Variants in SOX6 observed in about 807,000 individuals in gnomAD.
SOX6 encodes transcription factor SOX-6.
SOX6 carries 11 observed loss-of-function variants against 97.8 expected under a neutral mutation model. The ratio of observed to expected loss-of-function variants is 0.11; its 90% CI spans 0.07 to 0.19. The LOEUF is 0.19. Ranked by LOEUF, SOX6 falls within the 10% of genes least tolerant of loss-of-function variation. The pLI, the probability that SOX6 is intolerant of heterozygous loss-of-function variation, is 1.00. For synonymous variants in SOX6, 360 were observed against 371.4 expected, an observed-to-expected ratio of 0.97 and a Z score of 0.35; for missense variants, 810 against 1,039.5, an observed-to-expected ratio of 0.78 and a Z score of 3.04.
chr11:16,291,349 T>C (rs1854909552), intron 3 of SOX6, among the ~76,000 whole-genome samples: 1 of 127,812 alleles, frequency 7.8e-6, no homozygotes, highest in African/African-American at 2.8e-5. Flanking sequence ...AATATCCTGC[T>C]CAATATAATG....
rs923727326 is a variant in SOX6, at chr11:16,138,516, T to A, written c.778-26593A>T. On this transcript the variant is annotated intron_variant, in intron 6 of 15. Coordinates refer to ENST00000683767, the MANE Select transcript of SOX6 (RefSeq NM_001367873.1). ...TCCCTGATCTTTATAACCTTAAAAATTTTTTTGTTGTTGTTTTTATTTTTT... is the reference window on the plus strand; with the variant it reads ...TCCCTGATCTTTATAACCTTAAAAAATTTTTTGTTGTTGTTTTTATTTTTT... Among the ~76,000 whole-genome samples, 6 of 152,024 alleles carry A rather than the reference T, an allele frequency of 3.9e-5. 1 individual carries two copies. The highest frequency in any genetic ancestry group is 1.4e-4 in the African/African-American group (6 of 41,430).
chr11:16,661,374 G>A (rs1285804083), intron 3 of SOX6, among the ~76,000 whole-genome samples: 1 of 151,934 alleles, frequency 6.6e-6, no homozygotes, highest in African/African-American at 2.4e-5. Context: ...ATATAATTGG[G>A]TCATTTTTCT....
chr11:16,246,923 T>C (rs1853352545), intron 3 of SOX6, among the ~76,000 whole-genome samples: 4 of 152,086 alleles, frequency 2.6e-5, no homozygotes. Context: ...ACATTCCAGT[T>C]CTATTCTTCT....
chr11:16,187,310 T>A (rs1245725252), intron 4 of SOX6, among the ~76,000 whole-genome samples: 2 of 152,156 alleles, frequency 1.3e-5, no homozygotes, highest in Non-Finnish European at 2.9e-5. Flanking sequence ...AAACTATAGA[T>A]TATATTAATA....
chr11:16,194,258 C>A (rs1851712283), intron 4 of SOX6, among the ~76,000 whole-genome samples: 2 of 152,158 alleles, frequency 1.3e-5, no homozygotes, highest in African/African-American at 4.8e-5. Context: ...AAAACCACCA[C>A]AAAGACCTCT....
intron 3 of SOX6, among the ~76,000 whole-genome samples, chr11:16,656,289 G>A (rs1847716837): frequency 6.6e-6 from 1 of 152,112 alleles, no homozygotes; most frequent in Non-Finnish European, 1.5e-5. Flanking sequence ...TGTTGGCCAG[G>A]ATGGTCTCAA....
chr11:16,293,642 G>C (rs902795251), intron 3 of SOX6, among the ~76,000 whole-genome samples: 3 of 151,986 alleles, frequency 2.0e-5, no homozygotes, highest in African/African-American at 7.3e-5. Flanking sequence ...GTGGGAGTGG[G>C]GAGAGGGAGT....
chr11:16,686,413 T>G (rs937022559), intron 3 of SOX6, among the ~76,000 whole-genome samples: 1 of 152,206 alleles, frequency 6.6e-6, no homozygotes, highest in Non-Finnish European at 1.5e-5. Context: ...AGAAATTTCT[T>G]CTGCCAGATA....
chr11:16,174,002 C>G (rs1178628917), intron 6 of SOX6, among the ~76,000 whole-genome samples: 1 of 150,658 alleles, frequency 6.6e-6, no homozygotes, highest in Non-Finnish European at 1.5e-5. Context: ...CATGCCATCA[C>G]ACCCAGTTAA....
rs146866995 is a variant in SOX6 at position 16,063,574 on chromosome 11, T to G, written c.1102-7673A>C. ...TATATACCTGCTTTCTATGATACAA[T>G]CATTTAGGATCTCTAATGGAGTGTG... On this transcript the variant is annotated intron_variant, in intron 9 of 15. Transcript: ENST00000683767. Among the ~76,000 whole-genome samples the G allele has an allele frequency of 9.7e-4, 112 of 115,248 alleles. 1 individual carries two copies. The highest frequency in any genetic ancestry group is 3.4e-3 in the African/African-American group (105 of 30,966). The allele number at this position is 115,248 out of a possible 152,430, so 75.6% of individuals were successfully genotyped here. A position where few individuals can be genotyped will look rare whatever the true frequency, so the allele number is the denominator to read the frequency against.
intron 4 of SOX6, among the ~76,000 whole-genome samples, chr11:16,602,317 G>C (rs1013506627): frequency 2.0e-5 from 3 of 152,158 alleles, no homozygotes; most frequent in African/African-American, 7.2e-5. Flanking sequence ...ATGTCACTAT[G>C]CCTATGGAAT....
chr11:16,124,982 C>G (rs1480932357), intron 6 of SOX6, among the ~76,000 whole-genome samples: 1 of 151,974 alleles, frequency 6.6e-6, no homozygotes, highest in East Asian at 1.9e-4. Context: ...TATATCCTCT[C>G]CGCTCAAGTA....
intron 4 of SOX6, among the ~76,000 whole-genome samples, chr11:16,498,219 G>C (rs988410837): frequency 1.3e-5 from 2 of 152,138 alleles, no homozygotes; most frequent in African/African-American, 4.8e-5. Flanking sequence ...GCCAAACTAA[G>C]CTTCATAAGT....
chr11:15,974,378 CTTTTTTTT>C (rs35597667), intron 15 of SOX6, among the ~76,000 whole-genome samples: 22 of 85,686 alleles, frequency 2.6e-4, no homozygotes, highest in South Asian at 1.0e-3. Context: ...TTAGCTCTCT[CTTTTTTTT>C]TTTTTTTTTT....
intron 1 of SOX6, among the ~76,000 whole-genome samples, chr11:16,349,617 A>AAAAT (rs1222038913): frequency 8.7e-5 from 13 of 149,370 alleles, no homozygotes; most frequent in East Asian, 4.2e-4. Flanking sequence ...CTCTGTCAAA[A>AAAAT]AAATAAATAA....
In SOX6 at chr11:16,207,603, A is replaced by G. The variant is rs544176098; in HGVS notation, c.536-20648T>C. On this transcript the variant is annotated intron_variant, in intron 4 of 15. Coordinates refer to ENST00000683767, the MANE Select transcript of SOX6 (RefSeq NM_001367873.1). ...AGCGAGACTCCATCTCAAAAAAAAA[A>G]AAAAAGTAAAGAACAAATTCATTTA... Among the ~76,000 whole-genome samples the G allele has an allele frequency of 1.4e-3, 210 of 152,164 alleles. 3 individuals are homozygous for G. Among genetic ancestry groups the G allele is most frequent in the Admixed American group, 0.011 (164 of 15,284 alleles).
At chr11:16,699,039 CA>C (rs926321623) in intron 3 of SOX6, among the ~76,000 whole-genome samples, 1 of 152,142 alleles carries the variant, frequency 6.6e-6, no homozygotes, top group African/African-American at 2.4e-5. Flanking sequence ...TGGGTTGCCA[CA>C]AACCTTCAAT....
At chr11:16,332,905 G>T (rs1856350358) in intron 2 of SOX6, among the ~76,000 whole-genome samples, 1 of 152,154 alleles carries the variant, frequency 6.6e-6, no homozygotes, top group African/African-American at 2.4e-5. Flanking sequence ...CTTTTTTGCA[G>T]AGGACAATCA....
upstream of SOX6, among the ~76,000 whole-genome samples, chr11:16,477,021 C>T (rs1454623095): frequency 6.6e-6 from 1 of 152,172 alleles, no homozygotes; most frequent in South Asian, 2.1e-4. Context: ...TCATTTTATG[C>T]CTCTACATGC....
Sources: allele counts gnomAD v4.1 joint callset (sites outside exome capture counted in the v4.1 genomes callset), GRCh38; gene constraint gnomAD v4.1.1; transcripts MANE v1.5; gene names NCBI Gene and HGNC (gene_info 2026-07-23, HGNC 2026-07-21).